The following AMN1 variants were observed in gnomAD, a reference collection of about 807,000 sequenced individuals.
The protein encoded by AMN1 is antagonist of mitotic exit network 1 homolog, also known as protein AMN1 homolog.
In AMN1, 20 loss-of-function variants were observed where a neutral mutation model predicts 33.0. That is an observed-to-expected ratio of 0.61 (90% CI 0.43 to 0.88). AMN1 has a LOEUF of 0.88. AMN1 is among the 40% of genes least tolerant of loss of function. AMN1 has a pLI of 0.00. For missense variants in AMN1, 246 were observed against 307.4 expected (o/e 0.80, Z 1.49); for synonymous variants, 114 against 111.9 (o/e 1.02, Z -0.12).
At chr12:31,724,731 T>C (rs1002806035) in intron 1 of AMN1, among the ~76,000 whole-genome samples, 6 of 152,238 alleles carry the variant, frequency 3.9e-5, no homozygotes, top group Non-Finnish European at 8.8e-5. Context: ...CTTAGCCCTT[T>C]AGTATGCTCT....
At chr12:31,680,062 G>A (rs1937927283) in intron 6 of AMN1, among the ~76,000 whole-genome samples, 1 of 148,730 alleles carries the variant, frequency 6.7e-6, no homozygotes. Flanking sequence ...GGTGGAGGTT[G>A]CAGTGAACCA....
intron 1 of AMN1, among the ~76,000 whole-genome samples, chr12:31,719,690 T>C (rs1230484766): frequency 6.6e-6 from 1 of 152,056 alleles, no homozygotes; most frequent in Admixed American, 6.5e-5. Context: ...GAAAACTGTT[T>C]GGCCTTATCT....
intron 6 of AMN1, among the ~76,000 whole-genome samples, chr12:31,677,294 C>A (rs192867807): frequency 6.6e-6 from 1 of 151,908 alleles, no homozygotes; most frequent in Admixed American, 6.6e-5. Flanking sequence ...AGCGAGACTC[C>A]GTCTCAAAAA....
chr12:31,683,578 T>C lies in AMN1; in HGVS notation c.703+5429A>G, dbSNP rs1225029546. On this transcript the variant is annotated intron_variant, in intron 6 of 6. Transcript: ENST00000281471. This position sits in a 1 kb window ranked among gnomAD's most constrained non-coding sequence, Gnocchi z 4.1. ...AGTCTTTCCTGTGCTGTTCTTATGATAGTAAATAAGTCTCATGAGATCTGA... is the reference window on the plus strand; with the variant it reads ...AGTCTTTCCTGTGCTGTTCTTATGACAGTAAATAAGTCTCATGAGATCTGA... Among the ~76,000 whole-genome samples, 1 of 151,470 alleles carries C rather than the reference T, an allele frequency of 6.6e-6. No homozygotes were observed. Among genetic ancestry groups the C allele is most frequent in the African/African-American group, 2.4e-5 (1 of 41,418 alleles).
At chr12:31,704,856 C>T (rs1939156781) in intron 2 of AMN1, among the ~76,000 whole-genome samples, 1 of 152,080 alleles carries the variant, frequency 6.6e-6, no homozygotes, top group South Asian at 2.1e-4. Context: ...GGATTGCCAT[C>T]AAACAAAAAC....
At chr12:31,691,087 G>A (rs1366566033) in intron 5 of AMN1, among the ~76,000 whole-genome samples, 2 of 149,880 alleles carry the variant, frequency 1.3e-5, no homozygotes, top group East Asian at 2.0e-4. Flanking sequence ...GCAGTGAGCC[G>A]AGATCATGCC....
At chr12:31,681,597 C>T (rs146328730) in intron 6 of AMN1, among the ~76,000 whole-genome samples, 4 of 152,182 alleles carry the variant, frequency 2.6e-5, no homozygotes, top group East Asian at 1.9e-4. Flanking sequence ...AAGGCAAAGT[C>T]GAGATCCATA....
intron 1 of AMN1, among the ~76,000 whole-genome samples, chr12:31,726,309 G>A (rs1479588213): frequency 2.0e-5 from 3 of 151,814 alleles, no homozygotes; most frequent in Non-Finnish European, 4.4e-5. Context: ...TTACAGGCAT[G>A]CACCACCACG....
intron 1 of AMN1, among the ~76,000 whole-genome samples, chr12:31,712,059 T>G: frequency 7.4e-6 from 1 of 134,492 alleles, no homozygotes. Flanking sequence ...CCTCCCTTCC[T>G]CCCTCCCTCC....
intron 1 of AMN1, among the ~76,000 whole-genome samples, chr12:31,722,858 T>G (rs1395528473): frequency 6.6e-6 from 1 of 152,110 alleles, no homozygotes; most frequent in African/African-American, 2.4e-5. Context: ...CTGCTAGTTT[T>G]CAGAAATCAA....
At chr12:31,706,311 CAAAA>C (rs3032986) in intron 2 of AMN1, among the ~76,000 whole-genome samples, 3,459 of 65,908 alleles carry the variant, frequency 0.052, 134 homozygotes, top group East Asian at 0.26. Context: ...GACTCCGTCT[CAAAA>C]AAAAAAAAAA....
chr12:31,724,881 G>A (rs1443502300), intron 1 of AMN1, among the ~76,000 whole-genome samples: 1 of 152,218 alleles, frequency 6.6e-6, no homozygotes, highest in Non-Finnish European at 1.5e-5. Context: ...AATTCTGGGA[G>A]GACTATTGAA....
chr12:31,709,112 T>C (rs1288557709), intron 2 of AMN1, 181 bp downstream of exon 2: 3 of 691,970 alleles, frequency 4.3e-6, no homozygotes, highest in Admixed American at 2.1e-5. Context: ...GCAGCGGAGG[T>C]TGCAGTGAGC....
intron 2 of AMN1, among the ~76,000 whole-genome samples, chr12:31,705,603 CAG>C (rs1418288364): frequency 6.6e-6 from 1 of 152,100 alleles, no homozygotes; most frequent in Admixed American, 6.6e-5. Flanking sequence ...GAAGTGAAGT[CAG>C]AGCAATTGTG....
At chr12:31,682,026 C>T (rs1938038176) in intron 6 of AMN1, among the ~76,000 whole-genome samples, 1 of 152,098 alleles carries the variant, frequency 6.6e-6, no homozygotes, top group Non-Finnish European at 1.5e-5. Context: ...AATCAGGGAT[C>T]AGAAAAATAA....
Position 31,676,611 on chromosome 12 carries a change from C to T in AMN1, c.704-4234G>A, listed in dbSNP as rs146529792. ...TGCTGCAATTACAGGTGTGAGCCAC[C>T]GCGCCTGGCCAACACTTCCCAATTT... On this transcript the variant is annotated intron_variant, in intron 6 of 6. Coordinates refer to ENST00000281471, the MANE Select transcript of AMN1 (RefSeq NM_001113402.2). Among the ~76,000 whole-genome samples, 21 of 151,398 alleles carry T rather than the reference C, an allele frequency of 1.4e-4. 1 individual carries two copies. The highest frequency in any genetic ancestry group is 3.4e-3 in the Middle Eastern group (1 of 292).
chr12:31,681,292 G>A (rs1938001735), intron 6 of AMN1, among the ~76,000 whole-genome samples: 1 of 152,080 alleles, frequency 6.6e-6, no homozygotes, highest in Non-Finnish European at 1.5e-5. Context: ...ATAGTGGCAT[G>A]ACCTTGGCTC....
At chr12:31,675,983 T>C (rs1027030319) in intron 6 of AMN1, among the ~76,000 whole-genome samples, 2 of 151,800 alleles carry the variant, frequency 1.3e-5, no homozygotes, top group African/African-American at 2.4e-5. Flanking sequence ...ACTAAAAAAA[T>C]AGAATAAATG....
chr12:31,702,828 C>G (rs1939066217), intron 2 of AMN1, among the ~76,000 whole-genome samples: 1 of 152,150 alleles, frequency 6.6e-6, no homozygotes, highest in African/African-American at 2.4e-5. Flanking sequence ...ACCTCCGCCT[C>G]CCGGGTTCAA....
Sources: gnomAD v4.1 joint callset for allele counts (sites outside exome capture counted in the v4.1 genomes callset) on GRCh38, gnomAD v4.1.1 for gene constraint, Gnocchi (gnomAD v3.1) non-coding constraint, MANE v1.5 for transcripts, NCBI Gene and HGNC (gene_info 2026-07-23, HGNC 2026-07-21) for gene names.